Variants in SPATA6 observed in about 807,000 individuals in gnomAD.
The protein encoded by SPATA6 is spermatogenesis associated 6, also known as spermatogenesis-associated protein 6.
Under a neutral mutation model 65.3 loss-of-function variants are expected in SPATA6, and 56 were observed. That is an observed-to-expected ratio of 0.86 (90% CI 0.69 to 1.07). The LOEUF (loss-of-function observed/expected upper bound fraction) is 1.07. Among genes scored for constraint, SPATA6 ranks in the 50% least tolerant of loss-of-function variants. The pLI is 0.00. For missense variants in SPATA6, 590 were observed against 594.8 expected (o/e 0.99, Z 0.08); for synonymous variants, 199 against 213.2 (o/e 0.93, Z 0.58).
the SPATA6 span, among the ~76,000 whole-genome samples, chr1:48,284,641 G>T: frequency 6.6e-6 from 1 of 152,154 alleles, no homozygotes; most frequent in Non-Finnish European, 1.5e-5. Context: ...TGTTGATGGT[G>T]ATGCTATTCT....
chr1:48,367,315 C>T (rs1448303799), intron 9 of SPATA6, among the ~76,000 whole-genome samples: 1 of 152,116 alleles, frequency 6.6e-6, no homozygotes. Flanking sequence ...ATTAGGTCTG[C>T]TTGGTGCAGA....
chr1:48,416,733 G>A (rs1429485089), intron 3 of SPATA6, among the ~76,000 whole-genome samples: 1 of 151,914 alleles, frequency 6.6e-6, no homozygotes, highest in African/African-American at 2.4e-5. Context: ...AAAACGACAG[G>A]CAATCTATTT....
At chr1:48,400,867 T>G in intron 6 of SPATA6, 1 of 1,256,612 alleles carries the variant, frequency 8.0e-7, no homozygotes, top group South Asian at 1.4e-5. Flanking sequence ...AAAAAGTAAT[T>G]CAGAATTTTT....
At position 48,331,114 on chromosome 1, in the gene SPATA6, C is replaced by T. The variant is rs117191887; in HGVS notation, c.1194+24556G>A. Among the ~76,000 whole-genome samples, 19 of 152,210 alleles carry T rather than the reference C, an allele frequency of 1.2e-4. No individual in the cohort carries two copies. In the East Asian group the frequency reaches 2.3e-3, roughly 19 times the overall value. On this transcript the variant is annotated intron_variant, in intron 11 of 12. Coordinates refer to ENST00000371847, the MANE Select transcript of SPATA6 (RefSeq NM_019073.4). ...ACAGCAAATTCAAAGACTGAAAGAA[C>T]GTAAGACCACAAAGATGATAAACAG... is the stretch of plus-strand genomic sequence containing the variant.
intron 2 of SPATA6, among the ~76,000 whole-genome samples, chr1:48,452,585 T>C (rs1656673430): frequency 6.6e-6 from 1 of 152,204 alleles, no homozygotes; most frequent in East Asian, 1.9e-4. Flanking sequence ...GGTTTCCCCA[T>C]GTTGACCAGA....
At chr1:48,270,381 GA>G in the SPATA6 span, among the ~76,000 whole-genome samples, 91 of 152,194 alleles carry the variant, frequency 6.0e-4, no homozygotes, top group East Asian at 0.012. Flanking sequence ...AGTTCTTTCT[GA>G]AGAGATACCA....
At chr1:48,426,703 T>C (rs1471062704) in intron 3 of SPATA6, among the ~76,000 whole-genome samples, 1 of 151,986 alleles carries the variant, frequency 6.6e-6, no homozygotes, top group Non-Finnish European at 1.5e-5. Flanking sequence ...GGTCAAATAT[T>C]TTACCAAGTT....
intron 12 of SPATA6, among the ~76,000 whole-genome samples, chr1:48,301,550 A>C (rs184151848): frequency 0.018 from 2,795 of 151,732 alleles, 58 homozygotes; most frequent in East Asian, 0.037. Context: ...CACACACAAA[A>C]AAAAAAACTA....
At chr1:48,291,170 C>T (rs1212198265), downstream of SPATA6, among the ~76,000 whole-genome samples, 3 of 152,146 alleles carry the variant, frequency 2.0e-5, no homozygotes, top group Non-Finnish European at 4.4e-5. Flanking sequence ...TGAGGGTCCT[C>T]GATTTAATTT....
At chr1:48,302,004 T>G (rs1021847200) in intron 12 of SPATA6, among the ~76,000 whole-genome samples, 1 of 152,140 alleles carries the variant, frequency 6.6e-6, no homozygotes, top group South Asian at 2.1e-4. Context: ...TTCCAGTAAT[T>G]CATTTTTCAT....
chr1:48,411,809 C>A (rs1014799273), intron 4 of SPATA6, among the ~76,000 whole-genome samples: 2 of 151,894 alleles, frequency 1.3e-5, no homozygotes, highest in East Asian at 3.8e-4. Flanking sequence ...GTTGGTCCAA[C>A]ATTTATATGT....
intron 9 of SPATA6, among the ~76,000 whole-genome samples, chr1:48,366,789 A>G (rs908277444): frequency 2.0e-5 from 3 of 151,736 alleles, no homozygotes; most frequent in African/African-American, 4.8e-5. Flanking sequence ...TTGTGTCTCT[A>G]TTTCCTTCAG....
chr1:48,410,087 T>A lies in SPATA6; in HGVS notation c.405+1377A>T, dbSNP rs376742789. On this transcript the variant is annotated intron_variant, in intron 5 of 12. Transcript: ENST00000371847. ...TCAGGCTGCAAATTTTCCAAACTTT[T>A]ATGTTCCATTTCCCTTTTGAAATTG... is the stretch of plus-strand genomic sequence containing the variant. Among the ~76,000 whole-genome samples, 7 of 152,338 alleles carry A rather than the reference T, an allele frequency of 4.6e-5. No individual in the cohort carries two copies. In the East Asian group the frequency reaches 1.2e-3, roughly 25 times the overall value.
At chr1:48,461,108 A>G (rs1326223828) in intron 1 of SPATA6, among the ~76,000 whole-genome samples, 1 of 152,188 alleles carries the variant, frequency 6.6e-6, no homozygotes, top group Non-Finnish European at 1.5e-5. Context: ...AGCTTTTTTC[A>G]TGTGTCTTTT....
chr1:48,413,206 A>G (rs1376870322), intron 3 of SPATA6, 55 bp from the exon 4 acceptor site: 2 of 1,049,144 alleles, frequency 1.9e-6, no homozygotes, highest in Admixed American at 7.2e-5. Context: ...CAAAAAAATT[A>G]CTTAATTTAC....
chr1:48,349,831 G>T (rs1173919433), intron 11 of SPATA6, among the ~76,000 whole-genome samples: 1 of 151,840 alleles, frequency 6.6e-6, no homozygotes, highest in Non-Finnish European at 1.5e-5. Flanking sequence ...GTATTCCATT[G>T]AAGACAGACA....
At chr1:48,304,523 T>G (rs1289712712) in intron 12 of SPATA6, among the ~76,000 whole-genome samples, 6 of 152,152 alleles carry the variant, frequency 3.9e-5, no homozygotes. Context: ...TGTATTTATT[T>G]TGTAGAGACA....
At position 48,297,531 on chromosome 1, in the gene SPATA6, G is replaced by A. The variant is rs1191904863; in HGVS notation, c.*1182C>T. ...TTTCATTTTAAAGGAAGTTCATTTT[G>A]TTCTTTTTCAATCATAACTGTAAAA... On this transcript the variant is annotated 3_prime_UTR_variant, in exon 13 of 13. Transcript: ENST00000371847. The A allele has an allele frequency of 6.6e-6, 1 of 152,072 alleles. No homozygotes were observed. Among genetic ancestry groups the A allele is most frequent in the African/African-American group, 2.4e-5 (1 of 41,424 alleles). The allele number at this position is 152,072 out of a possible 1,614,324, so 9.4% of individuals were successfully genotyped here.
chr1:48,380,095 T>C (rs921148060), intron 9 of SPATA6, among the ~76,000 whole-genome samples: 3 of 152,224 alleles, frequency 2.0e-5, no homozygotes, highest in Non-Finnish European at 4.4e-5. Context: ...AAAGTGAGAA[T>C]CTCGGGAAAG....
Sources: gnomAD v4.1 joint callset for allele counts (sites outside exome capture counted in the v4.1 genomes callset) on GRCh38, gnomAD v4.1.1 for gene constraint, MANE v1.5 for transcripts, NCBI Gene and HGNC (gene_info 2026-07-23, HGNC 2026-07-21) for gene names.